The following VWCE variants were observed in gnomAD, a reference collection of about 807,000 sequenced individuals.
VWCE encodes von Willebrand factor C and EGF domains.
Under a neutral mutation model 102.9 loss-of-function variants are expected in VWCE, and 68 were observed. That is an observed-to-expected ratio of 0.66 (90% confidence interval 0.54 to 0.81). VWCE has a LOEUF of 0.81. VWCE is among the 30% of genes least tolerant of loss of function. The probability of loss-of-function intolerance (pLI) is 0.00; values close to 1 mark genes in which losing one functional copy is unlikely to be tolerated. For synonymous variants in VWCE, 497 were observed against 515.4 expected (o/e 0.96, Z 0.48); for missense variants, 1,137 against 1,263.6 (o/e 0.90, Z 1.52).
intron 19 of VWCE, among the ~76,000 whole-genome samples, chr11:61,260,572 A>G (rs1336149844): frequency 1.3e-5 from 2 of 152,194 alleles, no homozygotes; most frequent in Admixed American, 1.3e-4. Flanking sequence ...TGCCGGGGTT[A>G]TAAGTGTGAT....
chr11:61,294,831 G>A lies in VWCE; in HGVS notation c.110+97C>T, dbSNP rs989856030. The A allele has an allele frequency of 3.7e-6, 3 of 809,022 alleles. No individual in the cohort carries two copies. In the East Asian group the frequency reaches 1.0e-4, roughly 27 times the overall value. The allele number at this position is 809,022 out of a possible 1,614,324, so 50.1% of individuals were successfully genotyped here. On this transcript the variant is annotated intron_variant, in intron 1 of 19. Coordinates refer to ENST00000335613, the MANE Select transcript of VWCE (RefSeq NM_152718.2). The surrounding 1 kb of genome is among the most constrained non-coding windows in gnomAD (Gnocchi z 6.3). Reference sequence around the variant, plus strand: ...ACCCCAGAGGAAGCCCCGACACGCGGCTGCCTGCGGCTCCTGAGCGCCCCT... The same window carrying A: ...ACCCCAGAGGAAGCCCCGACACGCGACTGCCTGCGGCTCCTGAGCGCCCCT...
chr11:61,291,525 G>A lies in VWCE; in HGVS notation c.162C>T (p.Cys54=). The A allele has an allele frequency of 3.3e-6, 5 of 1,508,520 alleles. No homozygotes were observed. The highest frequency in any genetic ancestry group is 3.6e-6 in the Non-Finnish European group (4 of 1,123,160). The allele number at this position is 1,508,520 out of a possible 1,614,324, so 93.4% of individuals were successfully genotyped here. A position where few individuals can be genotyped will look rare whatever the true frequency, so the allele number is the denominator to read the frequency against. ...VCLSGFGSGC[C]PGWAPSMGGG... ...CACCCATAGAGGGCGCCCAGCCAGGGCAGCAGCCACTCCCAAACCCAGAGA... is the reference window on the plus strand; with the variant it reads ...CACCCATAGAGGGCGCCCAGCCAGGACAGCAGCCACTCCCAAACCCAGAGA... The change falls in exon 2 of 20, where the codon TGC becomes TGT. Residue 54 remains cysteine (C), a synonymous_variant. Coordinates refer to ENST00000335613, the MANE Select transcript of VWCE (RefSeq NM_152718.2).
In VWCE at chr11:61,259,034, C is replaced by T; in HGVS notation, c.2509G>A (p.Glu837Lys). ...GAGAGTCGAGGGGAGGCCCCAGGCTCCCCTGGGAAAGTGGCTGTCAGCCCC... is the reference window on the plus strand; with the variant it reads ...GAGAGTCGAGGGGAGGCCCCAGGCTTCCCTGGGAAAGTGGCTGTCAGCCCC... ...ALGLTATFPG[E>K]PGASPRLSPG... is the part of the protein sequence containing the mutation. The change falls in exon 20 of 20, where the codon GAG becomes AAG. Residue 837 changes from glutamate to lysine, a missense_variant. Glu to Lys is a moderately conservative substitution (Grantham distance 56). Coordinates refer to ENST00000335613, the MANE Select transcript of VWCE (RefSeq NM_152718.2). 1 of 1,613,868 alleles carries T rather than the reference C, an allele frequency of 6.2e-7. No homozygotes were observed. The highest frequency in any genetic ancestry group is 8.5e-7 in the Non-Finnish European group (1 of 1,179,860).
Position 61,278,417 on chromosome 11 carries a change from T to G in VWCE, c.1384A>C (p.Asn462His). 6.2e-7 allele frequency: 1 copy of G among 1,614,122 alleles called. No homozygotes were observed. Among genetic ancestry groups the G allele is most frequent in the Non-Finnish European group, 8.5e-7 (1 of 1,180,012 alleles). ...EGDVFSPPNENCTVCVCLAGN... is the reference protein window; with the variant it reads ...EGDVFSPPNEHCTVCVCLAGN... ...ACCAGACAGACACAGACGGTGCAGT[T>G]CTCATTGGGAGGTGAAAACACATCC... is the stretch of plus-strand genomic sequence containing the variant. The change falls in exon 10 of 20, where the codon AAC becomes CAC. Residue 462 changes from asparagine (N) to histidine (H), a missense_variant. Around this residue, in one of 5 missense-constraint regions of VWCE, gnomAD observed 575 missense variants for 625.9 expected, o/e 0.92. Coordinates refer to ENST00000335613, the MANE Select transcript of VWCE (RefSeq NM_152718.2).
In VWCE at chr11:61,262,015, G is replaced by A. The variant is rs186737320; in HGVS notation, c.2230+2472C>T. Among the ~76,000 whole-genome samples the A allele has an allele frequency of 1.2e-3, 182 of 152,152 alleles. 1 individual carries two copies. Among genetic ancestry groups the A allele is most frequent in the Middle Eastern group, 6.8e-3 (2 of 294 alleles). On this transcript the variant is annotated intron_variant, in intron 19 of 19. Coordinates refer to ENST00000335613, the MANE Select transcript of VWCE (RefSeq NM_152718.2). ...TGTTGCCCAGGCTGGAGGGCAGGGCGCAGTCTCAGCTCACTGCAACCTCCA... is the reference window on the plus strand; with the variant it reads ...TGTTGCCCAGGCTGGAGGGCAGGGCACAGTCTCAGCTCACTGCAACCTCCA...
intron 5 of VWCE, 76 bp from the exon 6 acceptor site, chr11:61,282,981 C>T: frequency 8.0e-7 from 1 of 1,257,574 alleles, no homozygotes; most frequent in South Asian, 1.2e-5. Context: ...CTCTTCCTCC[C>T]TCATCTCCAT....
rs776797303 is a variant in VWCE, at chr11:61,278,439, A to C, written c.1362T>G (p.Asp454Glu). 5.0e-5 allele frequency: 80 copies of C among 1,614,184 alleles called. No homozygotes were observed. The highest frequency in any genetic ancestry group is 6.7e-5 in the Non-Finnish European group (79 of 1,180,016). ...FHSGVVRAEGDVFSPPNENCT... is the reference protein window; with the variant it reads ...FHSGVVRAEGEVFSPPNENCT... ...AGTTCTCATTGGGAGGTGAAAACAC[A>C]TCCCCTTCAGCTCGGACGACACCAC... Residue 454 changes from aspartate (D) to glutamate (E), a missense_variant, in exon 10 of 20, where the codon GAT (aspartate) becomes GAG (glutamate). Physicochemically the swap from Asp to Glu is conservative, Grantham distance 45. Coordinates refer to ENST00000335613, the MANE Select transcript of VWCE (RefSeq NM_152718.2).
Position 61,258,715 on chromosome 11 carries a change from G to C in VWCE, c.2828C>G (p.Pro943Arg). Residue 943 changes from proline to arginine, a missense_variant, in exon 20 of 20, where the codon CCC (proline) becomes CGC (arginine). Physicochemically the swap from Pro to Arg is moderately radical, Grantham distance 103. This residue lies in a region of VWCE where 316 missense variants were observed against 319.3 expected (regional missense o/e 0.99). Coordinates refer to ENST00000335613, the MANE Select transcript of VWCE (RefSeq NM_152718.2). Reference sequence around the variant, plus strand: ...TTCCCCCCGAGAAGCCCCCACTGGGGGCTGCTGGGGGCCAGGGTGGGTGGT... The same window carrying C: ...TTCCCCCCGAGAAGCCCCCACTGGGCGCTGCTGGGGGCCAGGGTGGGTGGT... ...AATTHPGPQQ[P>R]PVGASRGEES... 1 of 1,395,400 alleles carries C rather than the reference G, an allele frequency of 7.2e-7. No individual in the cohort carries two copies. Among genetic ancestry groups the C allele is most frequent in the Non-Finnish European group, 9.3e-7 (1 of 1,071,404 alleles). 86.4% of individuals were successfully genotyped at this position (1,395,400 alleles called of 1,614,324 possible).
At chr11:61,271,936 T>A (rs191713540) in intron 13 of VWCE, among the ~76,000 whole-genome samples, 176 bp from the exon 14 acceptor site, 40 of 151,936 alleles carry the variant, frequency 2.6e-4, no homozygotes, top group African/African-American at 9.2e-4. Context: ...TTCACACAGA[T>A]ACACATACAC....
intron 7 of VWCE, among the ~76,000 whole-genome samples, 188 bp downstream of exon 7, chr11:61,281,598 G>C (rs1024443164): frequency 6.6e-6 from 1 of 152,326 alleles, no homozygotes; most frequent in Admixed American, 6.5e-5. Flanking sequence ...CTCAAAACAA[G>C]GGCAGAGCAG....
At chr11:61,293,143 A>G (rs1246574679) in intron 1 of VWCE, among the ~76,000 whole-genome samples, 1 of 146,314 alleles carries the variant, frequency 6.8e-6, no homozygotes, top group East Asian at 2.1e-4. Context: ...TGGGAGGGTG[A>G]GGTAGGAGAA....
At chr11:61,290,326 A>G (rs899604559) in intron 4 of VWCE, among the ~76,000 whole-genome samples, 3 of 152,226 alleles carry the variant, frequency 2.0e-5, no homozygotes, top group Admixed American at 2.0e-4. Context: ...ACCCTGGCCA[A>G]CATGGCAAAA....
intron 9 of VWCE, among the ~76,000 whole-genome samples, chr11:61,279,407 T>TA (rs113900058): frequency 1.7e-4 from 25 of 150,164 alleles, no homozygotes; most frequent in Admixed American, 7.3e-4. Context: ...CTGTTGCCAA[T>TA]AAAAAAAAAG....
In VWCE at chr11:61,291,271, G is replaced by C. The variant is rs1855494120; in HGVS notation, c.288C>G (p.Thr96=). The C allele has an allele frequency of 6.3e-7, 1 of 1,583,912 alleles. No homozygotes were observed. The highest frequency in any genetic ancestry group is 8.6e-7 in the Non-Finnish European group (1 of 1,163,760). ...CSCQDGEQGA[T]CPETHGPCGE... The stretch of plus-strand genomic sequence containing the variant: ...CTTCCCATCCCCAGTTACCTGGGCA[G>C]GTGGCCCCTTGCTCTCCATCCTGGC... The change falls in exon 3 of 20, where the codon ACC becomes ACG. Residue 96 remains threonine, a synonymous_variant. Coordinates refer to ENST00000335613, the MANE Select transcript of VWCE (RefSeq NM_152718.2).
chr11:61,276,135 C>T (rs753527459), intron 11 of VWCE, among the ~76,000 whole-genome samples: 22 of 152,086 alleles, frequency 1.4e-4, no homozygotes, highest in Non-Finnish European at 2.9e-4. Context: ...AAACTGAGCT[C>T]GGGGGCTCAT....
chr11:61,258,997 G>T lies in VWCE; in HGVS notation c.2546C>A (p.Ser849Ter). Residue 849 changes from serine (S) to a stop codon, truncating the protein, a stop_gained, in exon 20 of 20, where the codon TCG becomes TAG. Coordinates refer to ENST00000335613, the MANE Select transcript of VWCE (RefSeq NM_152718.2). LOFTEE classifies it low-confidence loss of function (END_TRUNC). ...GASPRLSPGPSTPPGAPTLPL... is the reference protein window; with the variant it reads ...GASPRLSPGP ...TAGAGTGGGGGCTCCTGGAGGGGTC[G>T]AAGGCCCTGGTGAGAGTCGAGGGGA... is the stretch of plus-strand genomic sequence containing the variant. 1 of 1,612,116 alleles carries T rather than the reference G, an allele frequency of 6.2e-7. No individual in the cohort carries two copies. Among genetic ancestry groups the T allele is most frequent in the Non-Finnish European group, 8.5e-7 (1 of 1,179,062 alleles).
chr11:61,280,482 G>C (rs574710802), intron 9 of VWCE, 142 bp downstream of exon 9: 48 of 812,410 alleles, frequency 5.9e-5, no homozygotes, highest in Non-Finnish European at 8.2e-5. Flanking sequence ...AGCTCTGGGA[G>C]CAGCGCCAAG....
At chr11:61,291,237 C>T (rs1392326747) in intron 3 of VWCE, 27 bp downstream of exon 3, 2 of 1,546,102 alleles carry the variant, frequency 1.3e-6, no homozygotes, top group Non-Finnish European at 1.7e-6. Context: ...CATCTGTTCC[C>T]ATCAGCCCCT....
chr11:61,288,320 A>T (rs1329878241), intron 4 of VWCE, among the ~76,000 whole-genome samples: 1 of 152,088 alleles, frequency 6.6e-6, no homozygotes, highest in Non-Finnish European at 1.5e-5. Context: ...TCCCTGCCAA[A>T]GATCCGCAGC....
Sources: allele counts gnomAD v4.1 joint callset (sites outside exome capture counted in the v4.1 genomes callset), GRCh38; gene constraint gnomAD v4.1.1; regional missense constraint gnomAD v4.1.1; non-coding constraint Gnocchi (gnomAD v3.1); transcripts MANE v1.5; gene names NCBI Gene and HGNC (gene_info 2026-07-23, HGNC 2026-07-21).